PTP4A3: variants seen among roughly 807,000 people sequenced by gnomAD.
PTP4A3 encodes the protein protein tyrosine phosphatase 4A3, also known as protein tyrosine phosphatase type IVA 3.
In PTP4A3, 9 loss-of-function variants were observed where a neutral mutation model predicts 15.2. The observed-to-expected ratio is 0.59, with a 90% CI of 0.36 to 1.03. PTP4A3 has a LOEUF of 1.03. Ranked by LOEUF, PTP4A3 falls within the 50% of genes least tolerant of loss-of-function variation. The pLI, the probability that PTP4A3 is intolerant of heterozygous loss-of-function variation, is 0.02. For missense variants in PTP4A3, 234 were observed against 252.1 expected (o/e 0.93, Z 0.49); for synonymous variants, 95 against 102.0 (o/e 0.93, Z 0.41).
At chr8:141,413,690 C>A (rs1480359083) in intron 1 of PTP4A3, among the ~76,000 whole-genome samples, 1 of 152,208 alleles carries the variant, frequency 6.6e-6, no homozygotes, top group Non-Finnish European at 1.5e-5. Flanking sequence ...TGGGTGTGGC[C>A]TGGGAACCTG....
At chr8:141,427,424 A>G (rs1833628109) in intron 4 of PTP4A3, among the ~76,000 whole-genome samples, 1 of 151,600 alleles carries the variant, frequency 6.6e-6, no homozygotes, top group South Asian at 2.1e-4. Flanking sequence ...ATCGGATGAC[A>G]TGACCAGTGG....
chr8:141,426,310 C>T, intron 3 of PTP4A3: 1 of 511,530 alleles, frequency 2.0e-6, no homozygotes, highest in Non-Finnish European at 2.5e-6. Context: ...GCCCACCGAT[C>T]TAGGGCGCTG....
rs185215939 is a variant in PTP4A3, at chr8:141,431,424, G to C, written c.*380G>C. Reference sequence around the variant, plus strand: ...ACTGGGCCCCCAGCCCCTCTTTTGCGACCCCTTGTCCTGACCTGTTCTCGG... The same window carrying C: ...ACTGGGCCCCCAGCCCCTCTTTTGCCACCCCTTGTCCTGACCTGTTCTCGG... On this transcript the variant is annotated 3_prime_UTR_variant, in exon 6 of 6. Coordinates refer to ENST00000521578, the MANE Select transcript of PTP4A3 (RefSeq NM_032611.3). 1 of 258,474 alleles carries C rather than the reference G, an allele frequency of 3.9e-6. No individual in the cohort carries two copies. Among genetic ancestry groups the C allele is most frequent in the East Asian group, 1.1e-4 (1 of 9,432 alleles). The allele number at this position is 258,474 out of a possible 1,614,324, so 16.0% of individuals were successfully genotyped here. A position where few individuals can be genotyped will look rare whatever the true frequency, so the allele number is the denominator to read the frequency against.
chr8:141,422,251 T>C lies in PTP4A3; in HGVS notation c.11T>C (p.Met4Thr). 6.2e-7 allele frequency: 1 copy of C among 1,612,984 alleles called. No individual in the cohort carries two copies. The highest frequency in any genetic ancestry group is 8.5e-7 in the Non-Finnish European group (1 of 1,179,990). ...CCGTCGGGAGGCGCCATGGCTCGGA[T>C]GAACCGCCCGGCCCCGGTGGAGGTG... MAR[M>T]NRPAPVEVSY... Residue 4 changes from methionine to threonine, a missense_variant, in exon 2 of 6, where the codon ATG becomes ACG. Met to Thr is a moderately conservative substitution (Grantham distance 81). Coordinates refer to ENST00000521578, the MANE Select transcript of PTP4A3 (RefSeq NM_032611.3).
intron 3 of PTP4A3, among the ~76,000 whole-genome samples, chr8:141,426,144 G>A (rs1423193032): frequency 6.6e-6 from 1 of 152,282 alleles, no homozygotes; most frequent in East Asian, 1.9e-4. Context: ...CCCGAGGGCT[G>A]TGTGTCTGCC....
intron 1 of PTP4A3, among the ~76,000 whole-genome samples, chr8:141,394,801 A>G (rs1444147888): frequency 6.6e-6 from 1 of 152,236 alleles, no homozygotes; most frequent in Non-Finnish European, 1.5e-5. Flanking sequence ...CTCTCTGCAC[A>G]GTTCAGAGTT....
intron 1 of PTP4A3, among the ~76,000 whole-genome samples, chr8:141,401,757 G>A (rs1586537873): frequency 6.6e-6 from 1 of 152,222 alleles, no homozygotes; most frequent in Non-Finnish European, 1.5e-5. Context: ...GCGGGGGCAG[G>A]GAGCTCAGAG....
intron 5 of PTP4A3, among the ~76,000 whole-genome samples, 199 bp from the exon 6 acceptor site, chr8:141,430,726 CAG>C (rs1361337017): frequency 6.6e-6 from 1 of 152,064 alleles, no homozygotes; most frequent in Non-Finnish European, 1.5e-5. Context: ...GGAAGGCAAG[CAG>C]GGGTGAGCTG....
At chr8:141,414,113 G>A (rs957939122) in intron 1 of PTP4A3, among the ~76,000 whole-genome samples, 2 of 152,278 alleles carry the variant, frequency 1.3e-5, no homozygotes, top group South Asian at 2.1e-4. Flanking sequence ...TGTGTATGCA[G>A]GTCAGTGTGT....
At chr8:141,424,699 C>A (rs1833485573) in intron 2 of PTP4A3, among the ~76,000 whole-genome samples, 1 of 152,082 alleles carries the variant, frequency 6.6e-6, no homozygotes, top group African/African-American at 2.4e-5. Context: ...GGTGGGGACA[C>A]CTTTGCCTCT....
chr8:141,427,896 G>A (rs1030205025), intron 5 of PTP4A3, 72 bp downstream of exon 5: 6 of 1,391,252 alleles, frequency 4.3e-6, no homozygotes, highest in South Asian at 3.8e-5. Context: ...ACGAAGGGTG[G>A]CGGCATTGGC....
At position 141,409,469 on chromosome 8, in the gene PTP4A3, C is replaced by A. The variant is rs62522494; in HGVS notation, c.-853-11919C>A. Among the ~76,000 whole-genome samples the A allele has an allele frequency of 8.4e-3, 1,285 of 152,320 alleles. 21 individuals are homozygous for A. Among genetic ancestry groups the A allele is most frequent in the African/African-American group, 0.029 (1,194 of 41,564 alleles). On this transcript the variant is annotated intron_variant, in intron 1 of 5. Coordinates refer to ENST00000521578, the MANE Select transcript of PTP4A3 (RefSeq NM_032611.3). ...TGCAGGCCTGGTGATTGTGGCCCGA[C>A]CTCCTGCCCACCCCTTCTGGGCACC...
chr8:141,420,068 G>A (rs965911803), intron 1 of PTP4A3, among the ~76,000 whole-genome samples: 3 of 152,192 alleles, frequency 2.0e-5, no homozygotes, highest in African/African-American at 4.8e-5. Context: ...CACCTGGGCT[G>A]AAGCTCCAAG....
Position 141,429,280 on chromosome 8 carries a change from C to T in PTP4A3, c.404+1456C>T, listed in dbSNP as rs541773790. 1.6e-4 allele frequency among the ~76,000 whole-genome samples: 25 copies of T among 152,350 alleles called. 1 individual carries two copies. The East Asian group carries it at 4.8e-3, about 29-fold the overall frequency. On this transcript the variant is annotated intron_variant, in intron 5 of 5. Transcript: ENST00000521578. ...TGGGCAGAGACTCCTCGCGCTACTGCTGCTCCCACTTCCTTGGCCAGGGCC... is the reference window on the plus strand; with the variant it reads ...TGGGCAGAGACTCCTCGCGCTACTGTTGCTCCCACTTCCTTGGCCAGGGCC...
intron 1 of PTP4A3, among the ~76,000 whole-genome samples, chr8:141,399,822 G>A (rs1832541145): frequency 6.6e-6 from 1 of 152,252 alleles, no homozygotes; most frequent in African/African-American, 2.4e-5. Context: ...GGCAGGCTGG[G>A]GACGTGCAAT....
chr8:141,399,929 C>T (rs1209721891), intron 1 of PTP4A3, among the ~76,000 whole-genome samples: 4 of 152,178 alleles, frequency 2.6e-5, no homozygotes, highest in African/African-American at 7.2e-5. Context: ...TTTTTTGAGA[C>T]GGAGTCTCAC....
intron 4 of PTP4A3, 68 bp downstream of exon 4, chr8:141,427,137 G>A (rs2130301502): frequency 2.6e-6 from 4 of 1,565,198 alleles, no homozygotes; most frequent in South Asian, 1.1e-5. Flanking sequence ...TGACAGCCTC[G>A]CTTTTGGATG....
chr8:141,398,488 T>C (rs1263089720), intron 1 of PTP4A3, among the ~76,000 whole-genome samples: 1 of 152,052 alleles, frequency 6.6e-6, no homozygotes, highest in African/African-American at 2.4e-5. Context: ...AACCAGGGAA[T>C]GTTCTAGAGT....
intron 1 of PTP4A3, among the ~76,000 whole-genome samples, chr8:141,397,331 C>T (rs548776305): frequency 2.0e-5 from 3 of 151,982 alleles, no homozygotes; most frequent in African/African-American, 4.8e-5. Context: ...CAGTGGGGGG[C>T]TCTCTGAAGG....
Sources: gnomAD v4.1 joint callset for allele counts (sites outside exome capture counted in the v4.1 genomes callset) on GRCh38, gnomAD v4.1.1 for gene constraint, MANE v1.5 for transcripts, NCBI Gene and HGNC (gene_info 2026-07-23, HGNC 2026-07-21) for gene names.